PCDHGB6: variants seen among roughly 807,000 people sequenced by gnomAD.
PCDHGB6 encodes the protein protocadherin gamma-B6.
In PCDHGB6, 51 loss-of-function variants were observed where a neutral mutation model predicts 59.1. The ratio of observed to expected loss-of-function variants is 0.86; its 90% CI spans 0.69 to 1.09. The LOEUF is 1.09. Among genes scored for constraint, PCDHGB6 ranks in the 50% least tolerant of loss-of-function variants. The pLI is 0.00. For missense variants in PCDHGB6, 1,148 were observed against 1,205.1 expected (o/e 0.95, Z 0.70); for synonymous variants, 466 against 495.1 (o/e 0.94, Z 0.78).
At position 141,491,682 on chromosome 5, in the gene PCDHGB6, G is replaced by A. The variant is rs11952292; in HGVS notation, c.2419-3125G>A. The A allele has an allele frequency of 1.9e-6, 3 of 1,613,150 alleles. No individual in the cohort carries two copies. Among genetic ancestry groups the A allele is most frequent in the South Asian group, 1.1e-5 (1 of 91,046 alleles). On this transcript the variant is annotated intron_variant, in intron 1 of 3. Coordinates refer to ENST00000520790, the MANE Select transcript of PCDHGB6 (RefSeq NM_018926.3). The surrounding 1 kb of genome is among the most constrained non-coding windows in gnomAD (Gnocchi z 6.9). Reference sequence around the variant, plus strand: ...ACGCCATCCGGTCCCGCTCTAATACGCTGCGGGAGCGGAGCCAGGTGAGGG... The same window carrying A: ...ACGCCATCCGGTCCCGCTCTAATACACTGCGGGAGCGGAGCCAGGTGAGGG...
intron 1 of PCDHGB6, among the ~76,000 whole-genome samples, chr5:141,455,803 A>G (rs1197986124): frequency 6.6e-6 from 1 of 152,068 alleles, no homozygotes; most frequent in Non-Finnish European, 1.5e-5. Context: ...TGCTTTAAAA[A>G]ATGAAAACTT....
At chr5:141,483,584 T>C (rs2099583159) in intron 1 of PCDHGB6, among the ~76,000 whole-genome samples, 1 of 152,064 alleles carries the variant, frequency 6.6e-6, no homozygotes, top group African/African-American at 2.4e-5. Context: ...CATAAACACC[T>C]AATAGGTCAG....
chr5:141,502,524 C>T (rs959562458), intron 2 of PCDHGB6, among the ~76,000 whole-genome samples: 3 of 151,910 alleles, frequency 2.0e-5, no homozygotes, highest in East Asian at 1.9e-4. Flanking sequence ...TCAGTGATGC[C>T]GAGTTTGTTC....
intron 1 of PCDHGB6, chr5:141,422,076 G>C (rs2096622180): frequency 1.2e-6 from 2 of 1,612,270 alleles, no homozygotes; most frequent in South Asian, 1.1e-5. Flanking sequence ...ATTCATTTCG[G>C]AACATGGAAA....
intron 1 of PCDHGB6, chr5:141,478,292 CTATA>C (rs1257685524): frequency 6.2e-7 from 1 of 1,614,146 alleles, no homozygotes; most frequent in Admixed American, 1.7e-5. Flanking sequence ...GTCTAGAGAC[CTATA>C]CCGAGCCCCG....
chr5:141,476,986 C>A lies in PCDHGB6; in HGVS notation c.2419-17821C>A. ...CCTTCGGCAGCCACAACCGCGCCGG[C>A]GTGCGGCAACTATTCGCCTTAGACC... On this transcript the variant is annotated intron_variant, in intron 1 of 3. Transcript: ENST00000520790. The surrounding 1 kb of genome is among the most constrained non-coding windows in gnomAD (Gnocchi z 7.6). 6.2e-7 allele frequency: 1 copy of A among 1,614,218 alleles called. No individual in the cohort carries two copies. The highest frequency in any genetic ancestry group is 8.5e-7 in the Non-Finnish European group (1 of 1,180,042).
chr5:141,481,183 G>A (rs2099533234), intron 1 of PCDHGB6, among the ~76,000 whole-genome samples: 1 of 152,146 alleles, frequency 6.6e-6, no homozygotes, highest in African/African-American at 2.4e-5. Flanking sequence ...GCTTTATTGG[G>A]CCAGGCCCAA....
At chr5:141,436,588 G>A (rs1182294845) in intron 1 of PCDHGB6, among the ~76,000 whole-genome samples, 3 of 152,138 alleles carry the variant, frequency 2.0e-5, no homozygotes, top group Non-Finnish European at 2.9e-5. Context: ...AATTTGAAAG[G>A]TCGTGGTGAT....
intron 1 of PCDHGB6, chr5:141,419,876 C>T (rs1219393740): frequency 1.4e-5 from 23 of 1,614,084 alleles, no homozygotes; most frequent in Non-Finnish European, 1.9e-5. Flanking sequence ...AGAGGTACTG[C>T]CGGATTTCAG....
chr5:141,506,870 G>A (rs2099856877), intron 3 of PCDHGB6, among the ~76,000 whole-genome samples: 1 of 152,166 alleles, frequency 6.6e-6, no homozygotes, highest in East Asian at 1.9e-4. Flanking sequence ...GGTGGGTAGA[G>A]AACCAGGTGA....
chr5:141,508,737 C>T (rs919094477), intron 3 of PCDHGB6, among the ~76,000 whole-genome samples: 1 of 152,010 alleles, frequency 6.6e-6, no homozygotes, highest in Non-Finnish European at 1.5e-5. Flanking sequence ...CTACACCCCC[C>T]ACCCCGCTCT....
chr5:141,505,335 A>G, intron 2 of PCDHGB6, 58 bp from the exon 3 acceptor site: 1 of 1,611,086 alleles, frequency 6.2e-7, no homozygotes, highest in Non-Finnish European at 8.5e-7. Flanking sequence ...AGAGGACAGG[A>G]GGGGCATGAG....
rs374476072 is a variant in PCDHGB6, at chr5:141,419,103, C to T, written c.2418+8483C>T. 5 of 1,613,886 alleles carry T rather than the reference C, an allele frequency of 3.1e-6. 1 individual carries two copies. Among genetic ancestry groups the T allele is most frequent in the South Asian group, 1.1e-5 (1 of 91,088 alleles). On this transcript the variant is annotated intron_variant, in intron 1 of 3. Transcript: ENST00000520790. ...GATGAGGCCCTGGATCGGGAGCAGA[C>T]CCCAGAGTACAACGTCACCATCGCA... is the stretch of plus-strand genomic sequence containing the variant.
intron 1 of PCDHGB6, chr5:141,422,273 C>T: frequency 6.4e-7 from 1 of 1,560,808 alleles, no homozygotes; most frequent in Non-Finnish European, 8.6e-7. Flanking sequence ...CCAGAAATAA[C>T]TATCACCTCT....
Position 141,489,317 on chromosome 5 carries a change from G to T in PCDHGB6, c.2419-5490G>T. ...ATGTTGTCCTTGTGCTGCTGGGGCT[G>T]GGTGTCTGGGCAGCTTCGTTACTCA... is the stretch of plus-strand genomic sequence containing the variant. On this transcript the variant is annotated intron_variant, in intron 1 of 3. Coordinates refer to ENST00000520790, the MANE Select transcript of PCDHGB6 (RefSeq NM_018926.3). The surrounding 1 kb of genome is among the most constrained non-coding windows in gnomAD (Gnocchi z 4.5). 6.3e-7 allele frequency: 1 copy of T among 1,598,654 alleles called. No homozygotes were observed. The highest frequency in any genetic ancestry group is 8.5e-7 in the Non-Finnish European group (1 of 1,171,456).
At chr5:141,419,922 T>C (rs761868361) in intron 1 of PCDHGB6, 1 of 1,614,090 alleles carries the variant, frequency 6.2e-7, no homozygotes, top group South Asian at 1.1e-5. Flanking sequence ...CAGGCTGAGA[T>C]GCAGTTTTAC....
intron 1 of PCDHGB6, among the ~76,000 whole-genome samples, chr5:141,449,978 T>A (rs1025332419): frequency 6.6e-6 from 1 of 151,030 alleles, no homozygotes; most frequent in Non-Finnish European, 1.5e-5. Context: ...GTCCAAAATA[T>A]CACACATTGC....
intron 1 of PCDHGB6, chr5:141,413,526 G>A: frequency 6.2e-7 from 1 of 1,613,936 alleles, no homozygotes; most frequent in Non-Finnish European, 8.5e-7. Context: ...TGGAAGACAG[G>A]GTGAAACTTT....
At chr5:141,452,201 T>G (rs552947721) in intron 1 of PCDHGB6, among the ~76,000 whole-genome samples, 131 of 152,376 alleles carry the variant, frequency 8.6e-4, no homozygotes, top group Middle Eastern at 6.8e-3. Context: ...TTGTTTTAGA[T>G]GTTACCAATA....
Sources: allele counts gnomAD v4.1 joint callset (sites outside exome capture counted in the v4.1 genomes callset), GRCh38; gene constraint gnomAD v4.1.1; non-coding constraint Gnocchi (gnomAD v3.1); transcripts MANE v1.5; gene names NCBI Gene and HGNC (gene_info 2026-07-23, HGNC 2026-07-21).